Variants in FRYL observed in about 807,000 individuals in gnomAD.
FRYL encodes protein furry homolog-like.
In FRYL, 150 loss-of-function variants were observed where a neutral mutation model predicts 351.2. The observed-to-expected ratio is 0.43, with a 90% CI of 0.37 to 0.49. The LOEUF is 0.49. Among genes scored for constraint, FRYL ranks in the 20% least tolerant of loss-of-function variants. FRYL has a pLI of 0.00. For synonymous variants in FRYL, 1,153 were observed against 1,257.1 expected, an observed-to-expected ratio of 0.92 and a Z score of 1.75; for missense variants, 3,036 against 3,619.3, an observed-to-expected ratio of 0.84 and a Z score of 4.13.
At chr4:48,541,708 T>A (rs1182341114) in intron 45 of FRYL, among the ~76,000 whole-genome samples, 1 of 151,830 alleles carries the variant, frequency 6.6e-6, no homozygotes, top group Non-Finnish European at 1.5e-5. Flanking sequence ...GAAGGAACAA[T>A]ATGTGAAAGG....
At chr4:48,722,073 C>T (rs1193813959) in intron 1 of FRYL, among the ~76,000 whole-genome samples, 1 of 152,156 alleles carries the variant, frequency 6.6e-6, no homozygotes, top group Non-Finnish European at 1.5e-5. Flanking sequence ...CCTTGGTCTC[C>T]AGTGAGCCCA....
At chr4:48,521,355 T>A in intron 54 of FRYL, 140 bp from the exon 55 acceptor site, 1 of 636,202 alleles carries the variant, frequency 1.6e-6, no homozygotes, top group Non-Finnish European at 2.6e-6. Context: ...TTCCTTCCAG[T>A]CTACACCAGA....
At chr4:48,665,577 C>A (rs541820763) in intron 3 of FRYL, among the ~76,000 whole-genome samples, 1 of 152,054 alleles carries the variant, frequency 6.6e-6, no homozygotes, top group Non-Finnish European at 1.5e-5. Context: ...ATTATTAATA[C>A]CAACATAGTT....
intron 4 of FRYL, among the ~76,000 whole-genome samples, chr4:48,625,984 C>T (rs1417139718): frequency 6.6e-6 from 1 of 151,998 alleles, no homozygotes; most frequent in East Asian, 1.9e-4. Flanking sequence ...TTTTCATTTT[C>T]TGAGTTTTCT....
intron 4 of FRYL, among the ~76,000 whole-genome samples, chr4:48,632,108 A>ATATATATG (rs1753282576): frequency 1.1e-4 from 7 of 64,406 alleles, no homozygotes; most frequent in East Asian, 4.8e-4. Context: ...ATATATATAT[A>ATATATATG]TATATATATA....
intron 26 of FRYL, among the ~76,000 whole-genome samples, chr4:48,572,207 T>C (rs1254656658): frequency 3.9e-5 from 6 of 152,194 alleles, no homozygotes; most frequent in Non-Finnish European, 7.3e-5. Context: ...TCTAAGATGC[T>C]TTACAAAAAC....
intron 1 of FRYL, among the ~76,000 whole-genome samples, chr4:48,739,469 T>C (rs1193795104): frequency 2.7e-5 from 4 of 148,930 alleles, no homozygotes; most frequent in Admixed American, 6.7e-5. Flanking sequence ...GGAGAAAAGA[T>C]AGCCTTTTGA....
Position 48,570,933 on chromosome 4 carries a change from C to G in FRYL, c.2905-15G>C. 1.3e-6 allele frequency: 2 copies of G among 1,585,044 alleles called. No homozygotes were observed. Reference sequence around the variant, plus strand: ...CGTTTCATATTCTATTCCAAAGATACAAACACATTAATTAAAATCCTGCTG... The same window carrying G: ...CGTTTCATATTCTATTCCAAAGATAGAAACACATTAATTAAAATCCTGCTG... On this transcript the variant is annotated splice_polypyrimidine_tract_variant and intron_variant, in intron 26 of 63. Coordinates refer to ENST00000358350, the MANE Select transcript of FRYL (RefSeq NM_015030.2).
At chr4:48,661,504 C>T (rs1760712232) in intron 3 of FRYL, among the ~76,000 whole-genome samples, 1 of 152,200 alleles carries the variant, frequency 6.6e-6, no homozygotes, top group Non-Finnish European at 1.5e-5. Context: ...GTAGATTCTC[C>T]AGAAGGTCAT....
rs1272025585 is a variant in FRYL at position 48,510,867 on chromosome 4, C to G, written c.8263G>C (p.Glu2755Gln). ...SSLEVMMLCS[E>Q]CPTVFVDAET... ...GCATCCACAAAGACTGTTGGGCATT[C>G]TGAACACAGCATCATCACTTCCAAG... The change falls in exon 58 of 64, where the codon GAA becomes CAA. Residue 2755 changes from glutamate (E) to glutamine (Q), a missense_variant. By Grantham distance (29) the Glu-to-Gln change is conservative. Coordinates refer to ENST00000358350, the MANE Select transcript of FRYL (RefSeq NM_015030.2). 6.2e-7 allele frequency: 1 copy of G among 1,613,334 alleles called. No individual in the cohort carries two copies. Among genetic ancestry groups the G allele is most frequent in the Non-Finnish European group, 8.5e-7 (1 of 1,179,570 alleles).
intron 3 of FRYL, among the ~76,000 whole-genome samples, chr4:48,682,387 A>C (rs1764719319): frequency 6.6e-6 from 1 of 152,226 alleles, no homozygotes; most frequent in Non-Finnish European, 1.5e-5. Flanking sequence ...CTAAAACTCC[A>C]AAAGCAATAG....
At chr4:48,640,181 G>C (rs1755049812) in intron 3 of FRYL, among the ~76,000 whole-genome samples, 1 of 152,060 alleles carries the variant, frequency 6.6e-6, no homozygotes. Flanking sequence ...AGCTGAAGAC[G>C]TATGTCCACA....
chr4:48,561,826 C>A (rs1016692879), intron 32 of FRYL, among the ~76,000 whole-genome samples, 190 bp from the exon 33 acceptor site: 2 of 152,044 alleles, frequency 1.3e-5, no homozygotes, highest in Non-Finnish European at 2.9e-5. Flanking sequence ...ACTAGCCTGG[C>A]CAACATAGCA....
intron 3 of FRYL, among the ~76,000 whole-genome samples, chr4:48,675,607 C>G (rs1763517176): frequency 6.6e-6 from 1 of 152,236 alleles, no homozygotes; most frequent in Non-Finnish European, 1.5e-5. Context: ...TGCAGCCTGC[C>G]ATGCCTGAGC....
intron 3 of FRYL, among the ~76,000 whole-genome samples, chr4:48,656,176 GTA>G (rs1383372369): frequency 6.1e-5 from 8 of 131,530 alleles, no homozygotes; most frequent in East Asian, 2.2e-4. Flanking sequence ...ATTATATAAT[GTA>G]TAGTTATATA....
chr4:48,510,825 A>G lies in FRYL; in HGVS notation c.8295+10T>C. The G allele has an allele frequency of 6.2e-7, 1 of 1,604,520 alleles. No homozygotes were observed. Among genetic ancestry groups the G allele is most frequent in the Non-Finnish European group, 8.5e-7 (1 of 1,173,840 alleles). Reference sequence around the variant, plus strand: ...TAGTCTTTATAATAAACCTGCATGTAAAAACTTACTGTTTCAGCATCCACA... The same window carrying G: ...TAGTCTTTATAATAAACCTGCATGTGAAAACTTACTGTTTCAGCATCCACA... On this transcript the variant is annotated intron_variant, in intron 58 of 63. Coordinates refer to ENST00000358350, the MANE Select transcript of FRYL (RefSeq NM_015030.2).
At chr4:48,718,338 CAA>C (rs770007985) in intron 1 of FRYL, among the ~76,000 whole-genome samples, 3 of 151,508 alleles carry the variant, frequency 2.0e-5, no homozygotes, top group Non-Finnish European at 4.4e-5. Flanking sequence ...GGCTATACAT[CAA>C]AAGACTGGTG....
chr4:48,582,328 T>C (rs1334464997), intron 20 of FRYL, among the ~76,000 whole-genome samples, 169 bp downstream of exon 20: 2 of 152,170 alleles, frequency 1.3e-5, no homozygotes, highest in African/African-American at 2.4e-5. Context: ...ACACTATATA[T>C]TCACTACAGG....
Position 48,631,538 on chromosome 4 carries a change from C to T in FRYL, c.120+2753G>A, listed in dbSNP as rs73817830. Among the ~76,000 whole-genome samples, 426 of 152,004 alleles carry T rather than the reference C, an allele frequency of 2.8e-3. 1 individual carries two copies. The highest frequency in any genetic ancestry group is 9.8e-3 in the African/African-American group (407 of 41,446). ...TTAAAATACTAATATTTAACAAAAA[C>T]CCTCTACTGAGTACCCACCACCACA... On this transcript the variant is annotated intron_variant, in intron 4 of 63. Coordinates refer to ENST00000358350, the MANE Select transcript of FRYL (RefSeq NM_015030.2).
Sources: allele counts gnomAD v4.1 joint callset (sites outside exome capture counted in the v4.1 genomes callset), GRCh38; gene constraint gnomAD v4.1.1; transcripts MANE v1.5; gene names NCBI Gene and HGNC (gene_info 2026-07-23, HGNC 2026-07-21).